Variants in LRP1B observed in about 807,000 individuals in gnomAD.
LRP1B encodes low-density lipoprotein receptor-related protein 1B.
Under a neutral mutation model 556.6 loss-of-function variants are expected in LRP1B, and 217 were observed. That is an observed-to-expected ratio of 0.39 (90% CI 0.35 to 0.44). The LOEUF is 0.44. Among genes scored for constraint, LRP1B ranks in the 20% least tolerant of loss-of-function variants. LRP1B has a pLI of 1.00. For missense variants in LRP1B, 5,053 were observed against 5,620.8 expected, an observed-to-expected ratio of 0.90 and a Z score of 3.23; for synonymous variants, 2,047 against 1,865.8, an observed-to-expected ratio of 1.10 and a Z score of -2.50.
chr2:141,276,751 G>T (rs1334453060), intron 3 of LRP1B, among the ~76,000 whole-genome samples: 1 of 148,904 alleles, frequency 6.7e-6, no homozygotes, highest in Admixed American at 6.7e-5. Context: ...CCGCCTCCCC[G>T]GTTCACGCCA....
intron 7 of LRP1B, among the ~76,000 whole-genome samples, chr2:141,064,715 G>T (rs1182923430): frequency 1.3e-5 from 2 of 151,880 alleles, no homozygotes; most frequent in African/African-American, 4.8e-5. Context: ...GTTTTTAGTG[G>T]TGTTTAATTT....
chr2:141,096,346 G>T (rs553365729), intron 7 of LRP1B, among the ~76,000 whole-genome samples: 4 of 151,980 alleles, frequency 2.6e-5, no homozygotes, highest in African/African-American at 9.7e-5. Context: ...CCAGCACTTC[G>T]GGAGGCTGAA....
chr2:141,195,945 T>A (rs1471153094), intron 6 of LRP1B, among the ~76,000 whole-genome samples: 1 of 151,972 alleles, frequency 6.6e-6, no homozygotes, highest in Non-Finnish European at 1.5e-5. Flanking sequence ...GCTAGCCATG[T>A]GGAATTTGGG....
intron 22 of LRP1B, 116 bp from the exon 23 acceptor site, chr2:140,903,281 T>C (rs772764586): frequency 1.2e-4 from 148 of 1,212,600 alleles, no homozygotes; most frequent in Non-Finnish European, 1.6e-4. Flanking sequence ...CAAATGAATA[T>C]AAGAAAGCCC....
Position 140,274,603 on chromosome 2 carries a change from G to A in LRP1B, c.12968-5C>T, listed in dbSNP as rs536117612. On this transcript the variant is annotated splice_polypyrimidine_tract_variant and splice_region_variant and intron_variant, in intron 84 of 90. Transcript: ENST00000389484. Reference sequence around the variant, plus strand: ...CACAATAGTGGTGGCACACGTCTAGGAAAAAAAGGCACAACAGAAAAATAA... The same window carrying A: ...CACAATAGTGGTGGCACACGTCTAGAAAAAAAAGGCACAACAGAAAAATAA... 18 of 1,600,254 alleles carry A rather than the reference G, an allele frequency of 1.1e-5. No individual in the cohort carries two copies. The Admixed American group carries it at 3.2e-4, about 28-fold the overall frequency.
At chr2:141,150,813 C>T (rs1701902177) in intron 7 of LRP1B, among the ~76,000 whole-genome samples, 1 of 150,582 alleles carries the variant, frequency 6.6e-6, no homozygotes, top group African/African-American at 2.4e-5. Context: ...CTGGTCCACA[C>T]ATTATGTAAA....
At chr2:141,955,786 C>T (rs1352557919) in intron 1 of LRP1B, among the ~76,000 whole-genome samples, 3 of 152,138 alleles carry the variant, frequency 2.0e-5, no homozygotes, top group Non-Finnish European at 4.4e-5. Flanking sequence ...AGTAGCCTGT[C>T]TCTGCATTTT....
At chr2:140,391,416 C>A (rs1477462084) in intron 66 of LRP1B, among the ~76,000 whole-genome samples, 1 of 152,080 alleles carries the variant, frequency 6.6e-6, no homozygotes. Context: ...AGGGAAGTAT[C>A]TGGGTAGAAG....
At chr2:141,679,815 A>G in intron 2 of LRP1B, among the ~76,000 whole-genome samples, 1 of 151,966 alleles carries the variant, frequency 6.6e-6, no homozygotes, top group Non-Finnish European at 1.5e-5. Context: ...ATACTTTGAT[A>G]TAATTTATGT....
At chr2:141,663,189 T>C (rs533687427) in intron 2 of LRP1B, among the ~76,000 whole-genome samples, 7 of 152,206 alleles carry the variant, frequency 4.6e-5, no homozygotes, top group Non-Finnish European at 8.8e-5. Flanking sequence ...GCTAAAGCAG[T>C]GTTAAGAGGG....
chr2:140,941,165 C>A (rs1357133821), intron 20 of LRP1B, among the ~76,000 whole-genome samples: 1 of 152,058 alleles, frequency 6.6e-6, no homozygotes, highest in Non-Finnish European at 1.5e-5. Flanking sequence ...CTAGGAGAAA[C>A]TATTCATTTA....
intron 2 of LRP1B, among the ~76,000 whole-genome samples, chr2:141,599,045 TCCCCC>T (rs1559166868): frequency 3.5e-5 from 1 of 28,966 alleles, no homozygotes; most frequent in Non-Finnish European, 7.6e-5. Context: ...TTTGTTCAAC[TCCCCC>T]CCGCCCCCCC....
chr2:141,727,817 A>C (rs565094856), intron 2 of LRP1B, among the ~76,000 whole-genome samples: 37 of 152,180 alleles, frequency 2.4e-4, no homozygotes, highest in Non-Finnish European at 1.6e-4. Context: ...ATCTCTCTAT[A>C]TATATATACA....
intron 3 of LRP1B, among the ~76,000 whole-genome samples, chr2:141,422,575 C>A: frequency 6.6e-6 from 1 of 152,192 alleles, no homozygotes; most frequent in Middle Eastern, 3.2e-3. Context: ...ATTATACACA[C>A]ATGCACACAC....
intron 2 of LRP1B, among the ~76,000 whole-genome samples, chr2:141,721,534 AAT>A (rs1284788306): frequency 6.6e-6 from 1 of 152,180 alleles, no homozygotes; most frequent in Non-Finnish European, 1.5e-5. Flanking sequence ...AAAACTTCAT[AAT>A]AGTTTTTAAT....
intron 2 of LRP1B, among the ~76,000 whole-genome samples, chr2:141,614,769 T>G (rs1016386844): frequency 6.6e-6 from 1 of 152,226 alleles, no homozygotes; most frequent in Non-Finnish European, 1.5e-5. Context: ...TCTAAGCAAC[T>G]GACACTCTGA....
chr2:142,016,598 T>A (rs1361965305), intron 1 of LRP1B, among the ~76,000 whole-genome samples: 1 of 151,564 alleles, frequency 6.6e-6, no homozygotes. Context: ...AAACACCACA[T>A]GTTCTCACTC....
At chr2:140,612,387 C>T (rs1224274232) in intron 41 of LRP1B, among the ~76,000 whole-genome samples, 2 of 152,060 alleles carry the variant, frequency 1.3e-5, no homozygotes, top group African/African-American at 4.8e-5. Flanking sequence ...TTAATTTCTA[C>T]ATTTACCTCT....
At chr2:140,764,457 G>A (rs2104922806) in intron 35 of LRP1B, among the ~76,000 whole-genome samples, 1 of 152,206 alleles carries the variant, frequency 6.6e-6, no homozygotes, top group African/African-American at 2.4e-5. Flanking sequence ...CCTGTATCAT[G>A]AGGGAGTGCT....
Sources: allele counts gnomAD v4.1 joint callset (sites outside exome capture counted in the v4.1 genomes callset), GRCh38; gene constraint gnomAD v4.1.1; transcripts MANE v1.5; gene names NCBI Gene and HGNC (gene_info 2026-07-23, HGNC 2026-07-21).